Variants in AP3B1 observed in about 807,000 individuals in gnomAD.
The protein encoded by AP3B1 is AP-3 complex subunit beta-1.
Under a neutral mutation model 132.5 loss-of-function variants are expected in AP3B1, and 61 were observed. The ratio of observed to expected loss-of-function variants is 0.46; its 90% confidence interval spans 0.37 to 0.57. AP3B1 has a LOEUF of 0.57. Ranked by LOEUF, AP3B1 falls within the 20% of genes least tolerant of loss-of-function variation. AP3B1 has a pLI of 0.00. For missense variants in AP3B1, 1,120 were observed against 1,289.4 expected (o/e 0.87, Z 2.01); for synonymous variants, 388 against 438.3 (o/e 0.89, Z 1.43).
intron 21 of AP3B1, among the ~76,000 whole-genome samples, chr5:78,097,525 C>T (rs4704480): frequency 0.013 from 1,026 of 77,968 alleles, 58 homozygotes; most frequent in Admixed American, 0.038. Context: ...GTCAGCCCCC[C>T]GCCCGGCCAG....
intron 3 of AP3B1, among the ~76,000 whole-genome samples, chr5:78,236,076 A>C (rs1580525825): frequency 6.6e-6 from 1 of 152,358 alleles, no homozygotes; most frequent in Middle Eastern, 3.4e-3. Context: ...TTAAAGAACG[A>C]AAGAAATCCA....
At chr5:78,047,834 T>C (rs186748604) in intron 22 of AP3B1, among the ~76,000 whole-genome samples, 4 of 152,228 alleles carry the variant, frequency 2.6e-5, no homozygotes, top group Non-Finnish European at 5.9e-5. Context: ...TCTACCAGCA[T>C]TCATGAAATT....
chr5:78,022,165 C>T (rs12654987), intron 24 of AP3B1, among the ~76,000 whole-genome samples: 2 of 152,040 alleles, frequency 1.3e-5, no homozygotes, highest in Admixed American at 6.6e-5. Flanking sequence ...ACCAATAAAT[C>T]CAATTTATTT....
chr5:78,052,640 A>G (rs1580286003), intron 22 of AP3B1, among the ~76,000 whole-genome samples: 1 of 152,300 alleles, frequency 6.6e-6, no homozygotes, highest in South Asian at 2.1e-4. Flanking sequence ...GCCCTTTACA[A>G]AAAATGTTTG....
intron 3 of AP3B1, among the ~76,000 whole-genome samples, chr5:78,239,619 A>AT (rs1039981174): frequency 4.6e-5 from 7 of 151,566 alleles, no homozygotes; most frequent in Non-Finnish European, 7.4e-5. Flanking sequence ...ACAAAAAAAA[A>AT]ATATAAAAAA....
At chr5:78,154,735 G>A (rs1743076195) in intron 14 of AP3B1, among the ~76,000 whole-genome samples, 1 of 152,064 alleles carries the variant, frequency 6.6e-6, no homozygotes, top group South Asian at 2.1e-4. Context: ...GCCACTAAGA[G>A]ACTCTGATGC....
intron 22 of AP3B1, among the ~76,000 whole-genome samples, chr5:78,068,794 CAACA>C (rs1282865688): frequency 7.3e-6 from 1 of 137,848 alleles, no homozygotes; most frequent in Non-Finnish European, 1.5e-5. Flanking sequence ...TCAGAGATAA[CAACA>C]AAAAAAAAAG....
At chr5:78,110,729 T>C (rs1751549839) in intron 19 of AP3B1, among the ~76,000 whole-genome samples, 1 of 151,128 alleles carries the variant, frequency 6.6e-6, no homozygotes, top group Non-Finnish European at 1.5e-5. Flanking sequence ...TATGTATACA[T>C]ACATGTATAT....
chr5:78,024,223 T>C (rs907219699), intron 24 of AP3B1, among the ~76,000 whole-genome samples: 4 of 152,104 alleles, frequency 2.6e-5, no homozygotes, highest in African/African-American at 9.7e-5. Context: ...TATGTATACA[T>C]ACATGGAATA....
intron 11 of AP3B1, among the ~76,000 whole-genome samples, chr5:78,167,783 G>A (rs145248993): frequency 0.026 from 3,895 of 151,860 alleles, 170 homozygotes; most frequent in African/African-American, 0.084. Flanking sequence ...ACCAAACATC[G>A]TATGTTCTCA....
At chr5:78,278,137 T>C (rs1748863807) in intron 1 of AP3B1, among the ~76,000 whole-genome samples, 1 of 152,196 alleles carries the variant, frequency 6.6e-6, no homozygotes, top group Admixed American at 6.5e-5. Context: ...GTTTACAGTG[T>C]TTTTAAACAG....
intron 22 of AP3B1, among the ~76,000 whole-genome samples, chr5:78,066,350 G>T (rs1179409769): frequency 6.6e-6 from 1 of 152,134 alleles, no homozygotes; most frequent in African/African-American, 2.4e-5. Flanking sequence ...TTAGACGGTG[G>T]GTAATAACGA....
rs554798831 is a variant in AP3B1, at chr5:78,028,612, T to C, written c.2894+5749A>G. ...CTTTTCTGACTTAAAAGAGATTGTT[T>C]CTGATATTTCATGTGGCTATGGGTA... On this transcript the variant is annotated intron_variant, in intron 24 of 26. Transcript: ENST00000255194. Among the ~76,000 whole-genome samples the C allele has an allele frequency of 7.9e-5, 12 of 152,286 alleles. No homozygotes were observed. In the East Asian group the frequency reaches 2.3e-3, roughly 29 times the overall value.
chr5:78,204,062 T>C (rs1201330017), intron 7 of AP3B1, among the ~76,000 whole-genome samples: 1 of 152,192 alleles, frequency 6.6e-6, no homozygotes, highest in Non-Finnish European at 1.5e-5. Flanking sequence ...GCAAATCCAA[T>C]GTCTGGACTT....
At chr5:78,008,686 T>A (rs1746495392) in intron 26 of AP3B1, among the ~76,000 whole-genome samples, 1 of 152,208 alleles carries the variant, frequency 6.6e-6, no homozygotes, top group African/African-American at 2.4e-5. Context: ...AGTTTTATAC[T>A]TAAAACTATT....
Position 78,029,565 on chromosome 5 carries a change from G to A in AP3B1, c.2894+4796C>T, listed in dbSNP as rs116818006. Among the ~76,000 whole-genome samples the A allele has an allele frequency of 8.2e-3, 1,254 of 152,282 alleles. 16 individuals are homozygous for A. The highest frequency in any genetic ancestry group is 0.029 in the African/African-American group (1,188 of 41,544). On this transcript the variant is annotated intron_variant, in intron 24 of 26. Transcript: ENST00000255194. Reference sequence around the variant, plus strand: ...AATTGTGAAAACTAGTATGTGTGGTGTGCATGGCCTCTCCAGCCACCTTTT... The same window carrying A: ...AATTGTGAAAACTAGTATGTGTGGTATGCATGGCCTCTCCAGCCACCTTTT...
intron 21 of AP3B1, among the ~76,000 whole-genome samples, chr5:78,097,339 G>A (rs1750890861): frequency 7.5e-6 from 1 of 133,464 alleles, no homozygotes; most frequent in Non-Finnish European, 1.6e-5. Context: ...GAGGTGGGGG[G>A]GTCAGCCCCC....
chr5:78,125,352 T>C (rs1752413435), intron 17 of AP3B1, among the ~76,000 whole-genome samples: 1 of 152,122 alleles, frequency 6.6e-6, no homozygotes, highest in Admixed American at 6.6e-5. Flanking sequence ...TTGATTAAAA[T>C]ATCAGATTAT....
At chr5:78,248,142 G>A (rs1485046250) in intron 2 of AP3B1, among the ~76,000 whole-genome samples, 1 of 152,072 alleles carries the variant, frequency 6.6e-6, no homozygotes, top group Non-Finnish European at 1.5e-5. Context: ...TATAAATACA[G>A]AAACAGCAAA....
Sources: allele counts gnomAD v4.1 joint callset (sites outside exome capture counted in the v4.1 genomes callset), GRCh38; gene constraint gnomAD v4.1.1; transcripts MANE v1.5; gene names NCBI Gene and HGNC (gene_info 2026-07-23, HGNC 2026-07-21).